Variants in MIPOL1 observed in about 807,000 individuals in gnomAD.
MIPOL1 encodes the protein mirror-image polydactyly gene 1 protein.
In MIPOL1, 57 loss-of-function variants were observed where a neutral mutation model predicts 60.9. That is an observed-to-expected ratio of 0.94 (90% confidence interval 0.76 to 1.17). The LOEUF (loss-of-function observed/expected upper bound fraction) is 1.17. Among genes scored for constraint, MIPOL1 ranks in the 50% most tolerant of loss-of-function variants. MIPOL1 has a pLI of 0.00. For synonymous variants in MIPOL1, 179 were observed against 168.8 expected (o/e 1.06, Z -0.47); for missense variants, 551 against 511.6 (o/e 1.08, Z -0.74).
Position 37,292,465 on chromosome 14 carries a change from C to CTTTTTTTTT in MIPOL1, c.623+7035_623+7043dup, listed in dbSNP as rs34055899. ...GGTACAAGTGAATTTCCTTAATAAACTTTTTTTTTTTTTTTTTTTTTTTTT... is the reference window on the plus strand; with the variant it reads ...GGTACAAGTGAATTTCCTTAATAAACTTTTTTTTTTTTTTTTTTTTTTTTTTTTTTTTTT... On this transcript the variant is annotated intron_variant, in intron 7 of 12. Transcript: ENST00000684589. Among the ~76,000 whole-genome samples, 37 of 63,448 alleles carry CTTTTTTTTT rather than the reference C, an allele frequency of 5.8e-4. 2 individuals are homozygous for CTTTTTTTTT. Among genetic ancestry groups the CTTTTTTTTT allele is most frequent in the Admixed American group, 1.2e-3 (5 of 4,218 alleles). 41.6% of individuals were successfully genotyped at this position (63,448 alleles called of 152,430 possible). A position where few individuals can be genotyped will look rare whatever the true frequency, so the allele number is the denominator to read the frequency against.
At chr14:37,272,769 T>C (rs1471567385) in intron 6 of MIPOL1, among the ~76,000 whole-genome samples, 2 of 151,588 alleles carry the variant, frequency 1.3e-5, no homozygotes, top group East Asian at 3.8e-4. Flanking sequence ...TGGCAAAATA[T>C]GTTATAAGCA....
At chr14:37,545,686 C>A in intron 12 of MIPOL1, 1 of 655,738 alleles carries the variant, frequency 1.5e-6, no homozygotes, top group South Asian at 1.7e-5. Context: ...GATACAAAAT[C>A]ATCCAATAAA....
Position 37,247,228 on chromosome 14 carries a change from TTCTA to T in MIPOL1, c.-69_-66del, listed in dbSNP as rs1383156733. ...TGAGGACTTTTTAAAGAACGCTGGG[TTCTA>T]TCTGTGAGGTAAATCTAATTTTATT... is the stretch of plus-strand genomic sequence containing the variant. On this transcript the variant is annotated 5_prime_UTR_variant, in exon 2 of 13. Transcript: ENST00000684589. The T allele has an allele frequency of 2.0e-5, 3 of 152,050 alleles. No homozygotes were observed. Among genetic ancestry groups the T allele is most frequent in the East Asian group, 1.9e-4 (1 of 5,192 alleles). 9.4% of individuals were successfully genotyped at this position (152,050 alleles called of 1,614,324 possible).
chr14:37,534,621 A>G (rs1294932354), intron 12 of MIPOL1, among the ~76,000 whole-genome samples: 1 of 152,154 alleles, frequency 6.6e-6, no homozygotes, highest in Non-Finnish European at 1.5e-5. Context: ...ATTGGAATTG[A>G]GTTTTCTTGG....
At chr14:37,432,786 CTTTG>C (rs1222873627) in intron 11 of MIPOL1, among the ~76,000 whole-genome samples, 1 of 151,932 alleles carries the variant, frequency 6.6e-6, no homozygotes, top group African/African-American at 2.4e-5. Context: ...TCCGTGGTTG[CTTTG>C]TTTGGTCTGC....
intron 10 of MIPOL1, among the ~76,000 whole-genome samples, chr14:37,417,028 T>C (rs2093782825): frequency 2.0e-5 from 3 of 152,158 alleles, no homozygotes; most frequent in Admixed American, 6.6e-5. Flanking sequence ...CTCTAAGATA[T>C]AAAGTACAGT....
intron 1 of MIPOL1, among the ~76,000 whole-genome samples, chr14:37,217,183 A>C (rs2139426652): frequency 6.6e-6 from 1 of 152,298 alleles, no homozygotes; most frequent in East Asian, 1.9e-4. Flanking sequence ...TACAACCTAC[A>C]ATGTTTGAAC....
At chr14:37,354,284 A>T (rs1302466121) in intron 9 of MIPOL1, among the ~76,000 whole-genome samples, 1 of 145,286 alleles carries the variant, frequency 6.9e-6, no homozygotes, top group African/African-American at 2.6e-5. Flanking sequence ...GTTTGTTATA[A>T]TTTCTGTTCT....
intron 12 of MIPOL1, among the ~76,000 whole-genome samples, chr14:37,529,612 C>T (rs1432313792): frequency 1.3e-5 from 2 of 151,980 alleles, no homozygotes; most frequent in Non-Finnish European, 2.9e-5. Flanking sequence ...CACTAAGTAA[C>T]CTCTTAGTTG....
At chr14:37,395,591 T>G (rs2093356415) in intron 10 of MIPOL1, among the ~76,000 whole-genome samples, 1 of 152,180 alleles carries the variant, frequency 6.6e-6, no homozygotes, top group African/African-American at 2.4e-5. Flanking sequence ...AGCTACTGAT[T>G]TGTGTACATT....
chr14:37,273,137 A>G (rs957421882), intron 6 of MIPOL1, among the ~76,000 whole-genome samples: 1 of 151,218 alleles, frequency 6.6e-6, no homozygotes, highest in East Asian at 1.9e-4. Context: ...ATAATTAAGA[A>G]TATTTGAGGA....
chr14:37,510,306 G>T (rs1006492146), intron 12 of MIPOL1, among the ~76,000 whole-genome samples: 2 of 152,072 alleles, frequency 1.3e-5, no homozygotes, highest in Admixed American at 1.3e-4. Context: ...GAGTACAGTG[G>T]CACAATCATG....
At chr14:37,347,080 T>G (rs2090998648) in intron 9 of MIPOL1, among the ~76,000 whole-genome samples, 1 of 152,148 alleles carries the variant, frequency 6.6e-6, no homozygotes, top group Non-Finnish European at 1.5e-5. Context: ...GCAATTCATC[T>G]ACACACACAA....
intron 12 of MIPOL1, among the ~76,000 whole-genome samples, chr14:37,543,163 T>A (rs2095536022): frequency 6.6e-6 from 1 of 152,226 alleles, no homozygotes; most frequent in Admixed American, 6.5e-5. Context: ...GTGCTTTGGA[T>A]CCCATATCCT....
intron 3 of MIPOL1, among the ~76,000 whole-genome samples, chr14:37,256,455 A>G (rs1974934202): frequency 6.6e-6 from 1 of 151,950 alleles, no homozygotes; most frequent in South Asian, 2.1e-4. Context: ...AAGAATTTCT[A>G]TTTTAAGTAG....
At chr14:37,546,428 T>C (rs1244245209) in intron 12 of MIPOL1, among the ~76,000 whole-genome samples, 1 of 152,192 alleles carries the variant, frequency 6.6e-6, no homozygotes, top group African/African-American at 2.4e-5. Flanking sequence ...GCTGATTCTA[T>C]GAAAAGATGG....
At chr14:37,512,909 C>T (rs1239064512) in intron 12 of MIPOL1, among the ~76,000 whole-genome samples, 2 of 151,966 alleles carry the variant, frequency 1.3e-5, no homozygotes, top group Non-Finnish European at 2.9e-5. Context: ...AAAATATTTT[C>T]TTGTATTTGA....
At chr14:37,444,227 A>C (rs2094296786) in intron 11 of MIPOL1, among the ~76,000 whole-genome samples, 1 of 152,198 alleles carries the variant, frequency 6.6e-6, no homozygotes, top group African/African-American at 2.4e-5. Flanking sequence ...TTCATTGCTA[A>C]TATATGGAAA....
At chr14:37,496,390 A>G (rs2153610673) in intron 11 of MIPOL1, among the ~76,000 whole-genome samples, 1 of 145,958 alleles carries the variant, frequency 6.9e-6, no homozygotes, top group Admixed American at 7.0e-5. Context: ...ATGATTGTAT[A>G]TCTAGAAAAC....
Sources: allele counts gnomAD v4.1 joint callset (sites outside exome capture counted in the v4.1 genomes callset), GRCh38; gene constraint gnomAD v4.1.1; transcripts MANE v1.5; gene names NCBI Gene and HGNC (gene_info 2026-07-23, HGNC 2026-07-21).